OTOG: variants seen among roughly 807,000 people sequenced by gnomAD.
OTOG encodes the protein otogelin.
Under a neutral mutation model 313.8 loss-of-function variants are expected in OTOG, and 296 were observed. That is an observed-to-expected ratio of 0.94 (90% confidence interval 0.86 to 1.04). The LOEUF (loss-of-function observed/expected upper bound fraction) is 1.04. Ranked by LOEUF, OTOG falls within the 50% of genes least tolerant of loss-of-function variation. The pLI is 0.00. For synonymous variants in OTOG, 1,533 were observed against 1,554.9 expected, an observed-to-expected ratio of 0.99 and a Z score of 0.33; for missense variants, 3,948 against 3,840.1, an observed-to-expected ratio of 1.03 and a Z score of -0.74.
At chr11:17,635,527 G>A (rs2133710562) in intron 46 of OTOG, 83 bp from the exon 47 acceptor site, 1 of 1,091,128 alleles carries the variant, frequency 9.2e-7, no homozygotes, top group Non-Finnish European at 1.4e-6. Flanking sequence ...GGTTGTTGAG[G>A]AGGCCCCACC....
At chr11:17,603,935 T>C (rs186573409) in intron 32 of OTOG, among the ~76,000 whole-genome samples, 6 of 152,252 alleles carry the variant, frequency 3.9e-5, no homozygotes, top group Middle Eastern at 3.4e-3. Flanking sequence ...TGCCCTTCTG[T>C]AGGACTTCTC....
At chr11:17,586,372 C>A (rs1234322092) in intron 23 of OTOG, 102 bp from the exon 24 acceptor site, 3 of 580,650 alleles carry the variant, frequency 5.2e-6, no homozygotes, top group East Asian at 3.5e-5. Context: ...AGGGTAAATG[C>A]TGGGAGCCAC....
At chr11:17,642,688 G>A (rs971967282) in intron 53 of OTOG, among the ~76,000 whole-genome samples, 1 of 152,186 alleles carries the variant, frequency 6.6e-6, no homozygotes, top group Non-Finnish European at 1.5e-5. Context: ...TCCAGCACTA[G>A]CATGGACAAC....
At position 17,576,952 on chromosome 11, in the gene OTOG, A is replaced by T. The variant is rs1237621300; in HGVS notation, c.2605+41A>T. 5.2e-6 allele frequency: 8 copies of T among 1,538,356 alleles called. No homozygotes were observed. In the Admixed American group the frequency reaches 1.6e-4, roughly 31 times the overall value. On this transcript the variant is annotated intron_variant, in intron 22 of 55. Transcript: ENST00000399397. ...GGGGTGGAGCCCTTCTGGGGGCTCC[A>T]CATGGTAAAGGAGAGTGGGGAGTGG...
At chr11:17,613,261 TTCTTTC>T (rs1853633550) in intron 38 of OTOG, among the ~76,000 whole-genome samples, 5 of 134,998 alleles carry the variant, frequency 3.7e-5, no homozygotes, top group African/African-American at 9.4e-5. Flanking sequence ...CTTTCTTTCT[TTCTTTC>T]TCTCTCTGTC....
In OTOG at chr11:17,574,658, C is replaced by A; in HGVS notation, c.2294-62C>A. ...CATTCTCCTCATCAGAATGACAGCC[C>A]CACTCCACATAACTGTGGGGATGAG... is the stretch of plus-strand genomic sequence containing the variant. On this transcript the variant is annotated intron_variant, in intron 19 of 55. Coordinates refer to ENST00000399397, the MANE Select transcript of OTOG (RefSeq NM_001292063.2). 2.8e-6 allele frequency: 4 copies of A among 1,444,484 alleles called. No homozygotes were observed. In the South Asian group the frequency reaches 5.3e-5, roughly 19 times the overall value. 89.5% of individuals were successfully genotyped at this position (1,444,484 alleles called of 1,614,324 possible). A position where few individuals can be genotyped will look rare whatever the true frequency, so the allele number is the denominator to read the frequency against.
intron 26 of OTOG, 108 bp from the exon 27 acceptor site, chr11:17,593,502 C>A: frequency 6.8e-7 from 1 of 1,466,132 alleles, no homozygotes; most frequent in Non-Finnish European, 9.2e-7. Flanking sequence ...AGGCCAATGT[C>A]AGGGTATGAG....
chr11:17,552,109 T>G, intron 4 of OTOG, 34 bp downstream of exon 4: 3 of 1,542,214 alleles, frequency 1.9e-6, no homozygotes, highest in Non-Finnish European at 2.6e-6. Context: ...CCATGGGTTG[T>G]GCATGGGAGA....
At chr11:17,615,211 T>C (rs1248632510) in intron 39 of OTOG, among the ~76,000 whole-genome samples, 1 of 152,270 alleles carries the variant, frequency 6.6e-6, no homozygotes, top group Non-Finnish European at 1.5e-5. Context: ...AAAGATCATG[T>C]TGTTCTATTG....
Position 17,612,668 on chromosome 11 carries a change from G to A in OTOG, c.6341G>A (p.Ser2114Asn). The A allele has an allele frequency of 1.3e-6, 2 of 1,550,602 alleles. No homozygotes were observed. The highest frequency in any genetic ancestry group is 2.4e-5 in the South Asian group (2 of 84,056). ...PDLSFVTFDG[S>N]HVALFKEAIY... is the part of the protein sequence containing the mutation. ...CTGAGCTTCGTGACCTTCGATGGGA[G>A]CCACGTAGCTCTGTTCAAGGAGGCC... Residue 2114 changes from serine to asparagine, a missense_variant, in exon 38 of 56, where the codon AGC becomes AAC. Transcript: ENST00000399397.
intron 8 of OTOG, 40 bp downstream of exon 8, chr11:17,557,363 G>A: frequency 6.5e-7 from 1 of 1,541,078 alleles, no homozygotes; most frequent in Non-Finnish European, 8.8e-7. Flanking sequence ...GTGTTGGTGG[G>A]GATGGGGGAC....
intron 7 of OTOG, among the ~76,000 whole-genome samples, 185 bp downstream of exon 7, chr11:17,556,082 G>A (rs192632752): frequency 6.3e-4 from 96 of 151,976 alleles, no homozygotes; most frequent in Non-Finnish European, 1.2e-3. Context: ...TTTGCAGAAT[G>A]ATTTTTTTTT....
intron 15 of OTOG, among the ~76,000 whole-genome samples, chr11:17,563,950 A>G (rs1367321488): frequency 7.1e-6 from 1 of 140,626 alleles, no homozygotes; most frequent in Non-Finnish European, 1.5e-5. Flanking sequence ...TACTCTCTTC[A>G]GCCTCCCAGT....
intron 8 of OTOG, 42 bp from the exon 9 acceptor site, chr11:17,558,143 A>C: frequency 6.5e-7 from 1 of 1,547,990 alleles, no homozygotes; most frequent in Non-Finnish European, 8.7e-7. Context: ...CATCCACCCA[A>C]CCCCATCGCT....
Position 17,609,199 on chromosome 11 carries a change from C to T in OTOG, c.4344C>T (p.Tyr1448=), listed in dbSNP as rs776928887. The T allele has an allele frequency of 1.9e-6, 3 of 1,550,444 alleles. No homozygotes were observed. The highest frequency in any genetic ancestry group is 2.6e-6 in the Non-Finnish European group (3 of 1,146,818). ...VLDEVTQRCV[Y]LEDCVEPAVW... ...ATGAAGTCACACAGAGATGTGTCTA[C>T]TTGGAGGACTGTAAGTGGCCCAGAC... Residue 1448 remains tyrosine (Y), a synonymous_variant, in exon 35 of 56, where the codon TAC becomes TAT. Coordinates refer to ENST00000399397, the MANE Select transcript of OTOG (RefSeq NM_001292063.2).
At chr11:17,591,175 G>T (rs1357063651) in intron 24 of OTOG, among the ~76,000 whole-genome samples, 3 of 152,206 alleles carry the variant, frequency 2.0e-5, no homozygotes, top group African/African-American at 7.2e-5. Flanking sequence ...AATGAATGGA[G>T]TGGTAAAGGG....
intron 51 of OTOG, 101 bp from the exon 52 acceptor site, chr11:17,641,746 G>A: frequency 1.2e-6 from 1 of 814,746 alleles, no homozygotes; most frequent in Non-Finnish European, 1.9e-6. Context: ...ACTTACAGAG[G>A]GTCCTTCCAG....
intron 23 of OTOG, among the ~76,000 whole-genome samples, chr11:17,581,525 G>A (rs1852664868): frequency 6.6e-6 from 1 of 152,198 alleles, no homozygotes; most frequent in African/African-American, 2.4e-5. Flanking sequence ...GACATCTTGG[G>A]AGTTTCTCAA....
chr11:17,580,279 AC>A (rs1852636684), intron 23 of OTOG, among the ~76,000 whole-genome samples: 1 of 152,068 alleles, frequency 6.6e-6, no homozygotes, highest in Non-Finnish European at 1.5e-5. Context: ...TCAAGCTTGA[AC>A]CCTGGTTCTT....
Sources: allele counts gnomAD v4.1 joint callset (sites outside exome capture counted in the v4.1 genomes callset), GRCh38; gene constraint gnomAD v4.1.1; transcripts MANE v1.5; gene names NCBI Gene and HGNC (gene_info 2026-07-23, HGNC 2026-07-21).